MET: variants seen among roughly 807,000 people sequenced by gnomAD.
The protein encoded by MET is MET proto-oncogene, receptor tyrosine kinase, also known as hepatocyte growth factor receptor.
Under a neutral mutation model 133.1 loss-of-function variants are expected in MET, and 48 were observed. That is an observed-to-expected ratio of 0.36 (90% CI 0.29 to 0.46). The LOEUF is 0.46. Ranked by LOEUF, MET falls within the 20% of genes least tolerant of loss-of-function variation. The pLI is 1.00. For synonymous variants in MET, 628 were observed against 616.5 expected (o/e 1.02, Z -0.28); for missense variants, 1,442 against 1,695.9 (o/e 0.85, Z 2.63).
chr7:116,772,219 A>T (rs574661581), intron 14 of MET, among the ~76,000 whole-genome samples: 1 of 152,330 alleles, frequency 6.6e-6, no homozygotes, highest in South Asian at 2.1e-4. Context: ...TTTCACAAAA[A>T]GGTTAATTTG....
chr7:116,699,299 T>C lies in MET; in HGVS notation c.215T>C (p.Val72Ala), dbSNP rs973796037. 16 of 1,613,926 alleles carry C rather than the reference T, an allele frequency of 9.9e-6. No individual in the cohort carries two copies. Among genetic ancestry groups the C allele is most frequent in the Non-Finnish European group, 1.3e-5 (15 of 1,179,952 alleles). Residue 72 changes from valine to alanine, a missense_variant, in exon 2 of 21, where the codon GTT becomes GCT. Val to Ala is a moderately conservative substitution (Grantham distance 64). Around this residue, in one of 6 missense-constraint regions of MET, gnomAD observed 762 missense variants for 792.4 expected, o/e 0.96. Transcript: ENST00000397752. ...CTTGGTGCCACTAACTACATTTATG[T>C]TTTAAATGAGGAAGACCTTCAGAAG... ...IFLGATNYIY[V>A]LNEEDLQKVA... is the part of the protein sequence containing the mutation.
chr7:116,735,491 G>A (rs905733602), intron 3 of MET, among the ~76,000 whole-genome samples: 9 of 152,206 alleles, frequency 5.9e-5, no homozygotes, highest in Middle Eastern at 3.4e-3. Flanking sequence ...TTCAGTTCCC[G>A]TGCCCCCATC....
At position 116,795,779 on chromosome 7, in the gene MET, G is replaced by T; in HGVS notation, c.3923G>T (p.Cys1308Phe). 6.2e-7 allele frequency: 1 copy of T among 1,614,138 alleles called. No individual in the cohort carries two copies. The highest frequency in any genetic ancestry group is 8.5e-7 in the Non-Finnish European group (1 of 1,180,022). The change falls in exon 20 of 21, where the codon TGC becomes TTC. Residue 1308 changes from cysteine to phenylalanine, a missense_variant. Around this residue, in one of 6 missense-constraint regions of MET, gnomAD observed 94 missense variants for 109.5 expected, o/e 0.86. Transcript: ENST00000397752. The part of the protein sequence containing the change: ...QGRRLLQPEY[C>F]PDPLYEVMLK... ...AGAAGACTCCTACAACCCGAATACT[G>T]CCCAGACCCCTTGTAAGTAGTCTTT...
chr7:116,717,852 C>T (rs1320018937), intron 2 of MET, among the ~76,000 whole-genome samples: 6 of 152,002 alleles, frequency 3.9e-5, no homozygotes, highest in Non-Finnish European at 8.8e-5. Flanking sequence ...TTAGGGGAAA[C>T]ATTTTGAATC....
intron 5 of MET, among the ~76,000 whole-genome samples, chr7:116,752,652 G>A (rs1262283132): frequency 6.6e-6 from 1 of 152,226 alleles, no homozygotes; most frequent in Non-Finnish European, 1.5e-5. Context: ...GGATCCTGAG[G>A]GTCTAGCAGA....
At chr7:116,696,852 T>C (rs1477068130) in intron 1 of MET, among the ~76,000 whole-genome samples, 1 of 152,242 alleles carries the variant, frequency 6.6e-6, no homozygotes, top group Non-Finnish European at 1.5e-5. Context: ...CTCATGTGTC[T>C]CACTCAAGAC....
At chr7:116,761,460 T>A (rs1794395439) in intron 10 of MET, among the ~76,000 whole-genome samples, 1 of 152,196 alleles carries the variant, frequency 6.6e-6, no homozygotes, top group Non-Finnish European at 1.5e-5. Context: ...CATGATGAAT[T>A]GAACCCATTT....
chr7:116,705,908 C>T (rs1791770656), intron 2 of MET, among the ~76,000 whole-genome samples: 1 of 151,978 alleles, frequency 6.6e-6, no homozygotes, highest in Admixed American at 6.6e-5. Context: ...TTGTAACGCC[C>T]CCTGAGATCA....
intron 11 of MET, among the ~76,000 whole-genome samples, chr7:116,767,926 T>G (rs916928244): frequency 6.6e-6 from 1 of 151,270 alleles, no homozygotes; most frequent in African/African-American, 2.4e-5. Flanking sequence ...CCAGTATCAC[T>G]TTTGTAATAT....
In MET at chr7:116,698,367, C is replaced by T. The variant is rs555583743; in HGVS notation, c.-14-704C>T. Among the ~76,000 whole-genome samples, 4 of 152,204 alleles carry T rather than the reference C, an allele frequency of 2.6e-5. No homozygotes were observed. The East Asian group carries it at 7.7e-4, about 29-fold the overall frequency. On this transcript the variant is annotated intron_variant, in intron 1 of 20. Transcript: ENST00000397752. Reference sequence around the variant, plus strand: ...GAGAAGTAGTTCTAGGACTTTAGTTCTGAAGATTATGTTGTATTTTATACA... The same window carrying T: ...GAGAAGTAGTTCTAGGACTTTAGTTTTGAAGATTATGTTGTATTTTATACA...
At chr7:116,695,811 A>G (rs959424835) in intron 1 of MET, 2 of 485,534 alleles carry the variant, frequency 4.1e-6, no homozygotes, top group East Asian at 5.3e-5. Flanking sequence ...TAAGCACTCA[A>G]TACATGTTCT....
At chr7:116,773,208 G>A (rs893030103) in intron 14 of MET, among the ~76,000 whole-genome samples, 1 of 152,186 alleles carries the variant, frequency 6.6e-6, no homozygotes, top group Non-Finnish European at 1.5e-5. Context: ...ACAGGTAAAA[G>A]AGGGTCATTT....
chr7:116,770,754 T>C (rs1458596964), intron 12 of MET, among the ~76,000 whole-genome samples: 1 of 152,236 alleles, frequency 6.6e-6, no homozygotes, highest in South Asian at 2.1e-4. Flanking sequence ...ATCCACGTTG[T>C]AGCCTGTGTC....
In MET at chr7:116,797,509, G is replaced by C. The variant is rs1157309729; in HGVS notation, c.*1385G>C. ...TTCACCTAGATGGAATAGCCACCCT[G>C]AGCAGAACTTTGTGATGCTTCATTC... On this transcript the variant is annotated 3_prime_UTR_variant, in exon 21 of 21. Coordinates refer to ENST00000397752, the MANE Select transcript of MET (RefSeq NM_000245.4). 4.4e-6 allele frequency: 1 copy of C among 229,494 alleles called. No individual in the cohort carries two copies. The highest frequency in any genetic ancestry group is 6.3e-5 in the East Asian group (1 of 15,968). 14.2% of individuals were successfully genotyped at this position (229,494 alleles called of 1,614,324 possible). A position where few individuals can be genotyped will look rare whatever the true frequency, so the allele number is the denominator to read the frequency against.
At chr7:116,743,721 C>T (rs925535398) in intron 5 of MET, among the ~76,000 whole-genome samples, 4 of 152,226 alleles carry the variant, frequency 2.6e-5, no homozygotes, top group African/African-American at 9.6e-5. Flanking sequence ...GGGCCCCTGA[C>T]CCCTGTGCCT....
In MET at chr7:116,769,756, G is replaced by A. The variant is rs753911898; in HGVS notation, c.2695G>A (p.Asp899Asn). 6.2e-7 allele frequency: 1 copy of A among 1,613,658 alleles called. No individual in the cohort carries two copies. Among genetic ancestry groups the A allele is most frequent in the South Asian group, 1.1e-5 (1 of 91,054 alleles). Residue 899 changes from aspartate to asparagine, a missense_variant, in exon 12 of 21, where the codon GAC becomes AAC. Asp to Asn is a conservative substitution (Grantham distance 23). This residue lies in a region of MET where 514 missense variants were observed against 659.6 expected (regional missense o/e 0.78). Coordinates refer to ENST00000397752, the MANE Select transcript of MET (RefSeq NM_000245.4). ...AGCCGTTTTATGCACGGTCCCCAATGACCTGCTGAAATTGAACAGCGAGCT... is the reference window on the plus strand; with the variant it reads ...AGCCGTTTTATGCACGGTCCCCAATAACCTGCTGAAATTGAACAGCGAGCT... The part of the protein sequence containing the change: ...SEAVLCTVPN[D>N]LLKLNSELNI...
chr7:116,796,037 C>T lies in MET; in HGVS notation c.4086C>T (p.Val1362=), dbSNP rs753757242. The T allele has an allele frequency of 6.2e-5, 100 of 1,613,822 alleles. No homozygotes were observed. In the East Asian group the frequency reaches 1.3e-3, roughly 22 times the overall value. Residue 1362 remains valine (V), a synonymous_variant, in exon 21 of 21, where the codon GTC becomes GTT. Coordinates refer to ENST00000397752, the MANE Select transcript of MET (RefSeq NM_000245.4). ...CTACTTATGTGAACGTAAAATGTGT[C>T]GCTCCGTATCCTTCTCTGTTGTCAT... ...VNATYVNVKC[V]APYPSLLSSE...
intron 2 of MET, among the ~76,000 whole-genome samples, chr7:116,718,009 G>T (rs1402527598): frequency 6.6e-6 from 1 of 152,178 alleles, no homozygotes; most frequent in African/African-American, 2.4e-5. Flanking sequence ...CTTACAAATT[G>T]TAGAGGAATT....
intron 15 of MET, 48 bp from the exon 16 acceptor site, chr7:116,777,341 C>T (rs2117039291): frequency 7.2e-7 from 1 of 1,386,170 alleles, no homozygotes; most frequent in Non-Finnish European, 1.0e-6. Flanking sequence ...ATAATTATTT[C>T]ATAATTAAAT....
Sources: gnomAD v4.1 joint callset for allele counts (sites outside exome capture counted in the v4.1 genomes callset) on GRCh38, gnomAD v4.1.1 for gene constraint, gnomAD v4.1.1 regional missense constraint, MANE v1.5 for transcripts, NCBI Gene and HGNC (gene_info 2026-07-23, HGNC 2026-07-21) for gene names.